Variants in MKLN1 observed in about 807,000 individuals in gnomAD.
MKLN1 encodes muskelin.
Under a neutral mutation model 99.0 loss-of-function variants are expected in MKLN1, and 18 were observed. The ratio of observed to expected loss-of-function variants is 0.18; its 90% CI spans 0.13 to 0.27. MKLN1 has a LOEUF of 0.27. Ranked by LOEUF, MKLN1 falls within the 10% of genes least tolerant of loss-of-function variation. MKLN1 has a pLI of 1.00. For synonymous variants in MKLN1, 288 were observed against 293.2 expected (o/e 0.98, Z 0.18); for missense variants, 621 against 875.9 (o/e 0.71, Z 3.67).
intron 2 of MKLN1, among the ~76,000 whole-genome samples, chr7:131,378,338 C>T (rs1008795282): frequency 1.3e-5 from 2 of 152,192 alleles, no homozygotes; most frequent in African/African-American, 4.8e-5. Flanking sequence ...CCTTGAATTC[C>T]TGACCTCAGG....
chr7:131,309,357 G>A (rs2116634321), intron 3 of MKLN1, among the ~76,000 whole-genome samples: 2 of 152,236 alleles, frequency 1.3e-5, no homozygotes, highest in Middle Eastern at 6.8e-3. Flanking sequence ...TAGTAACATA[G>A]ATTCTAGTTG....
At chr7:131,369,297 A>T (rs532152658) in intron 1 of MKLN1, among the ~76,000 whole-genome samples, 1 of 152,186 alleles carries the variant, frequency 6.6e-6, no homozygotes, top group Non-Finnish European at 1.5e-5. Context: ...TTTAGATTTT[A>T]ATAAATTTTA....
intron 3 of MKLN1, among the ~76,000 whole-genome samples, chr7:131,204,142 C>G (rs773841794): frequency 6.6e-6 from 1 of 152,152 alleles, no homozygotes; most frequent in African/African-American, 2.4e-5. Context: ...TAAACTAGAT[C>G]TGGCCTGGGT....
chr7:131,366,403 AT>A (rs1048749624), intron 1 of MKLN1, among the ~76,000 whole-genome samples: 5 of 152,192 alleles, frequency 3.3e-5, no homozygotes, highest in Non-Finnish European at 7.3e-5. Context: ...AAAACTTCCA[AT>A]TTAAAGTTGG....
chr7:131,300,710 AG>A (rs59537769), intron 3 of MKLN1, among the ~76,000 whole-genome samples: 60,237 of 142,450 alleles, frequency 0.42, 14,209 homozygotes, highest in Admixed American at 0.56. Flanking sequence ...ACAACCAAAA[AG>A]AAAAAAAAAG....
At chr7:131,280,631 T>TG (rs920928042) in intron 3 of MKLN1, among the ~76,000 whole-genome samples, 3 of 143,702 alleles carry the variant, frequency 2.1e-5, no homozygotes, top group Non-Finnish European at 4.6e-5. Context: ...TATTCATCCA[T>TG]GTTTTTTTTT....
intron 1 of MKLN1, among the ~76,000 whole-genome samples, chr7:131,124,927 T>C (rs1477383037): frequency 6.6e-6 from 1 of 152,224 alleles, no homozygotes; most frequent in Non-Finnish European, 1.5e-5. Flanking sequence ...AACAGCTTCC[T>C]GAACTTTATG....
intron 1 of MKLN1, among the ~76,000 whole-genome samples, chr7:131,370,500 T>C (rs1800316411): frequency 6.6e-6 from 1 of 152,120 alleles, no homozygotes; most frequent in African/African-American, 2.4e-5. Context: ...TTAACCCTTT[T>C]TGTATGTTTA....
At chr7:131,317,236 G>A (rs907162226) in intron 3 of MKLN1, among the ~76,000 whole-genome samples, 3 of 152,074 alleles carry the variant, frequency 2.0e-5, no homozygotes, top group East Asian at 1.9e-4. Context: ...AGGGAAGCCC[G>A]TCAGACTAAC....
chr7:131,313,597 C>T (rs1235303198), intron 3 of MKLN1, among the ~76,000 whole-genome samples: 1 of 152,106 alleles, frequency 6.6e-6, no homozygotes, highest in Admixed American at 6.5e-5. Flanking sequence ...TCTCAAAGTA[C>T]AAGGAGAAAG....
intron 3 of MKLN1, among the ~76,000 whole-genome samples, chr7:131,247,951 T>C (rs1357114607): frequency 2.0e-5 from 3 of 152,184 alleles, no homozygotes; most frequent in Non-Finnish European, 4.4e-5. Flanking sequence ...CAGATTGGAG[T>C]GCAGTGGCAC....
chr7:131,183,486 C>T (rs528714837), intron 2 of MKLN1, among the ~76,000 whole-genome samples: 16 of 152,240 alleles, frequency 1.1e-4, no homozygotes, highest in Admixed American at 2.6e-4. Flanking sequence ...AATTGGAAGG[C>T]GTAAATCTTG....
chr7:131,254,607 A>T (rs193291639), intron 3 of MKLN1, among the ~76,000 whole-genome samples: 103 of 151,968 alleles, frequency 6.8e-4, no homozygotes, highest in Non-Finnish European at 7.4e-4. Context: ...ATTTTTTTTT[A>T]AAAAAGAACC....
At chr7:131,242,682 G>A in intron 3 of MKLN1, 1 of 627,482 alleles carries the variant, frequency 1.6e-6, no homozygotes, top group South Asian at 1.6e-5. Flanking sequence ...GAACATTGAT[G>A]ATGGTACCTT....
rs1337740201 is a variant in MKLN1, at chr7:131,133,798, CTTTTTTTTTTTTTTTAATTTGGTTTT to C, written c.-418-9006_-418-8981del. 7.2e-4 allele frequency among the ~76,000 whole-genome samples: 50 copies of C among 69,480 alleles called. 3 individuals are homozygous for C. Among genetic ancestry groups the C allele is most frequent in the Non-Finnish European group, 1.1e-3 (38 of 36,102 alleles). The allele number at this position is 69,480 out of a possible 152,430, so 45.6% of individuals were successfully genotyped here. ...CACTACACCCGGCCCAGGTTGACTTCTTTTTTTTTTTTTTTAATTTGGTTTTTTTTTTTTTTTTTTTTTTTTTTGAG... is the reference window on the plus strand; with the variant it reads ...CACTACACCCGGCCCAGGTTGACTTCTTTTTTTTTTTTTTTTTTTTTTGAG... On this transcript the variant is annotated intron_variant, in intron 1 of 7. Transcript: ENST00000416992.
intron 1 of MKLN1, among the ~76,000 whole-genome samples, chr7:131,362,292 A>G (rs909260388): frequency 2.0e-5 from 3 of 152,038 alleles, no homozygotes; most frequent in Non-Finnish European, 4.4e-5. Flanking sequence ...TAGCTCTATT[A>G]TAATCTCATG....
At chr7:131,215,159 A>C (rs1035191270) in intron 3 of MKLN1, among the ~76,000 whole-genome samples, 6 of 152,110 alleles carry the variant, frequency 3.9e-5, no homozygotes, top group Non-Finnish European at 7.4e-5. Context: ...CAATTCTCCC[A>C]CCTCAGCCCC....
intron 2 of MKLN1, among the ~76,000 whole-genome samples, chr7:131,160,886 T>A (rs2028359): frequency 0.98 from 148,680 of 152,166 alleles, 72,737 homozygotes; most frequent in East Asian, 1. Flanking sequence ...GCTAAGCCTC[T>A]CTACTCAGAA....
At chr7:131,134,635 CCCAAACCTCTATCTAATTGATAA>C (rs1207060383) in intron 1 of MKLN1, among the ~76,000 whole-genome samples, 2 of 152,164 alleles carry the variant, frequency 1.3e-5, no homozygotes, top group African/African-American at 2.4e-5. Flanking sequence ...CTCTCCTACT[CCCAAACCTCTATCTAATTGATAA>C]CTGTGTCTTC....
Sources: gnomAD v4.1 joint callset for allele counts (sites outside exome capture counted in the v4.1 genomes callset) on GRCh38, gnomAD v4.1.1 for gene constraint, MANE v1.5 for transcripts, NCBI Gene and HGNC (gene_info 2026-07-23, HGNC 2026-07-21) for gene names.